Variants in AGPAT4 observed in about 807,000 individuals in gnomAD.
AGPAT4 encodes 1-acylglycerol-3-phosphate O-acyltransferase 4.
A neutral mutation model predicts 48.0 loss-of-function variants in AGPAT4; 15 were observed. That is an observed-to-expected ratio of 0.31 (90% CI 0.21 to 0.48). The LOEUF (loss-of-function observed/expected upper bound fraction) is 0.48. Among genes scored for constraint, AGPAT4 ranks in the 20% least tolerant of loss-of-function variants. The pLI, the probability that AGPAT4 is intolerant of heterozygous loss-of-function variation, is 0.99. For missense variants in AGPAT4, 314 were observed against 482.5 expected, an observed-to-expected ratio of 0.65 and a Z score of 3.27; for synonymous variants, 178 against 198.7, an observed-to-expected ratio of 0.90 and a Z score of 0.88.
In AGPAT4 at chr6:161,171,851, G is replaced by T. The variant is rs1003675013; in HGVS notation, c.179-5434C>A. On this transcript the variant is annotated intron_variant, in intron 2 of 8. Transcript: ENST00000320285. This position sits in a 1 kb window ranked among gnomAD's most constrained non-coding sequence, Gnocchi z 4.4. ...GGAGGCTGCACTTGCAGTGAGCCAA[G>T]ATCGCACCACTGCACTCCAGCCTGG... Among the ~76,000 whole-genome samples the T allele has an allele frequency of 6.6e-5, 10 of 152,118 alleles. No homozygotes were observed. Among genetic ancestry groups the T allele is most frequent in the Non-Finnish European group, 1.5e-4 (10 of 68,032 alleles).
chr6:161,146,089 C>T lies in AGPAT4; in HGVS notation c.843+435G>A, dbSNP rs1228192464. Among the ~76,000 whole-genome samples, 4 of 151,610 alleles carry T rather than the reference C, an allele frequency of 2.6e-5. No individual in the cohort carries two copies. Among genetic ancestry groups the T allele is most frequent in the African/African-American group, 9.8e-5 (4 of 40,884 alleles). On this transcript the variant is annotated intron_variant, in intron 7 of 8. Transcript: ENST00000320285. The surrounding 1 kb of genome is among the most constrained non-coding windows in gnomAD (Gnocchi z 7.1). ...AGGGGGCACCACAGCAGGTTCGAAC[C>T]CAGCCAAGACCAAGGTGGATCCTTG...
In AGPAT4 at chr6:161,132,971, C is replaced by T. The variant is rs1778950778; in HGVS notation, c.*3569G>A. 6.6e-6 allele frequency: 1 copy of T among 152,216 alleles called. No individual in the cohort carries two copies. Among genetic ancestry groups the T allele is most frequent in the Non-Finnish European group, 1.5e-5 (1 of 68,036 alleles). The allele number at this position is 152,216 out of a possible 1,614,324, so 9.4% of individuals were successfully genotyped here. A position where few individuals can be genotyped will look rare whatever the true frequency, so the allele number is the denominator to read the frequency against. ...ATATTCCTCCATACAGCCTAGGGCC[C>T]CTCAAGAGACGTGCAAACCAAAGTA... On this transcript the variant is annotated 3_prime_UTR_variant, in exon 9 of 9. Transcript: ENST00000320285.
chr6:161,168,559 T>C (rs1780174636), intron 2 of AGPAT4, among the ~76,000 whole-genome samples: 1 of 151,966 alleles, frequency 6.6e-6, no homozygotes, highest in African/African-American at 2.4e-5. Context: ...ACTGTTTGGT[T>C]CACCCCGACC....
At chr6:161,162,972 G>A (rs144506456) in intron 3 of AGPAT4, among the ~76,000 whole-genome samples, 165 of 152,338 alleles carry the variant, frequency 1.1e-3, no homozygotes, top group African/African-American at 3.6e-3. Flanking sequence ...TCATCTCCAG[G>A]GAGGCAAGGT....
intron 2 of AGPAT4, among the ~76,000 whole-genome samples, chr6:161,185,543 A>G (rs1438116633): frequency 6.6e-6 from 1 of 152,046 alleles, no homozygotes; most frequent in Admixed American, 6.5e-5. Context: ...CAATTTTTAC[A>G]TTTTCATCAA....
chr6:161,158,228 C>T lies in AGPAT4; in HGVS notation c.349-3918G>A, dbSNP rs908892420. Reference sequence around the variant, plus strand: ...GACTAGAAACTGCTATTAAGACATACTGACAGTTCCCCCGGCAAAAGGTTC... The same window carrying T: ...GACTAGAAACTGCTATTAAGACATATTGACAGTTCCCCCGGCAAAAGGTTC... On this transcript the variant is annotated intron_variant, in intron 3 of 8. Coordinates refer to ENST00000320285, the MANE Select transcript of AGPAT4 (RefSeq NM_020133.3). This position sits in a 1 kb window ranked among gnomAD's most constrained non-coding sequence, Gnocchi z 5.3. Among the ~76,000 whole-genome samples the T allele has an allele frequency of 6.6e-6, 1 of 152,220 alleles. No homozygotes were observed. Among genetic ancestry groups the T allele is most frequent in the African/African-American group, 2.4e-5 (1 of 41,458 alleles).
chr6:161,271,142 A>G (rs1783410337), intron 1 of AGPAT4, among the ~76,000 whole-genome samples: 3 of 152,170 alleles, frequency 2.0e-5, no homozygotes, highest in Non-Finnish European at 4.4e-5. Context: ...TATGCTTTCA[A>G]CCAGCACAGA....
chr6:161,207,355 A>G (rs1781403346), intron 2 of AGPAT4, among the ~76,000 whole-genome samples: 1 of 152,198 alleles, frequency 6.6e-6, no homozygotes. Context: ...ATCCGTGAGA[A>G]AACAAAACTC....
At chr6:161,168,497 G>A (rs1047092547) in intron 2 of AGPAT4, among the ~76,000 whole-genome samples, 13 of 151,984 alleles carry the variant, frequency 8.6e-5, no homozygotes, top group East Asian at 1.9e-4. Flanking sequence ...TGACCACAGC[G>A]TGAGGTTCTC....
chr6:161,151,920 G>T (rs1408854354), intron 5 of AGPAT4, among the ~76,000 whole-genome samples: 2 of 152,228 alleles, frequency 1.3e-5, no homozygotes, highest in African/African-American at 4.8e-5. Flanking sequence ...GGATAATTCT[G>T]GCCCTTGGGC....
At chr6:161,210,748 C>T (rs184314968) in intron 2 of AGPAT4, among the ~76,000 whole-genome samples, 1 of 152,296 alleles carries the variant, frequency 6.6e-6, no homozygotes, top group East Asian at 1.9e-4. Context: ...ATACTTATCC[C>T]TGCCAAATAC....
rs562513944 is a variant in AGPAT4, at chr6:161,218,448, G to C, written c.178+13588C>G. On this transcript the variant is annotated intron_variant, in intron 2 of 8. Transcript: ENST00000320285. The surrounding 1 kb of genome is among the most constrained non-coding windows in gnomAD (Gnocchi z 4.7). ...TGACTAAGTGGGGAAATCACAGCAA[G>C]AATACCTTTACTTTACGTTTGTCTA... Among the ~76,000 whole-genome samples, 3 of 152,330 alleles carry C rather than the reference G, an allele frequency of 2.0e-5. No individual in the cohort carries two copies. Among genetic ancestry groups the C allele is most frequent in the Non-Finnish European group, 2.9e-5 (2 of 68,040 alleles).
At chr6:161,186,970 A>C (rs1780786967) in intron 2 of AGPAT4, among the ~76,000 whole-genome samples, 1 of 152,166 alleles carries the variant, frequency 6.6e-6, no homozygotes, top group South Asian at 2.1e-4. Flanking sequence ...ACTCGCCTGA[A>C]TCCCCCACGA....
In AGPAT4 at chr6:161,201,588, T is replaced by C. The variant is rs1781240765; in HGVS notation, c.178+30448A>G. 6.6e-6 allele frequency among the ~76,000 whole-genome samples: 1 copy of C among 152,208 alleles called. No individual in the cohort carries two copies. Among genetic ancestry groups the C allele is most frequent in the African/African-American group, 2.4e-5 (1 of 41,466 alleles). On this transcript the variant is annotated intron_variant, in intron 2 of 8. Transcript: ENST00000320285. The surrounding 1 kb of genome is among the most constrained non-coding windows in gnomAD (Gnocchi z 6.0). The stretch of plus-strand genomic sequence containing the variant: ...AGCCTCTGTCTTCTTCAGCAGGGCT[T>C]CTCAAACTCTAATGTGCATTTGCAT...
In AGPAT4 at chr6:161,136,643, A is replaced by G; in HGVS notation, c.1043-9T>C. Reference sequence around the variant, plus strand: ...TCGAACTCCCACGGAGGCTGCAGAGACAAGGAGAGCAGAGTTAGGAGTAGC... The same window carrying G: ...TCGAACTCCCACGGAGGCTGCAGAGGCAAGGAGAGCAGAGTTAGGAGTAGC... On this transcript the variant is annotated splice_polypyrimidine_tract_variant and intron_variant, in intron 8 of 8. Coordinates refer to ENST00000320285, the MANE Select transcript of AGPAT4 (RefSeq NM_020133.3). 1 of 1,613,342 alleles carries G rather than the reference A, an allele frequency of 6.2e-7. No homozygotes were observed. The highest frequency in any genetic ancestry group is 1.1e-5 in the South Asian group (1 of 91,070).
At chr6:161,213,892 T>C (rs566213877) in intron 2 of AGPAT4, among the ~76,000 whole-genome samples, 3 of 152,202 alleles carry the variant, frequency 2.0e-5, no homozygotes, top group East Asian at 3.9e-4. Flanking sequence ...TCTTCTAAAA[T>C]GCTTTCTCCA....
intron 2 of AGPAT4, among the ~76,000 whole-genome samples, chr6:161,228,164 G>A (rs1343225795): frequency 2.0e-5 from 3 of 152,186 alleles, no homozygotes; most frequent in Non-Finnish European, 4.4e-5. Flanking sequence ...TTCAGACGGA[G>A]TATCTCATTC....
At position 161,214,066 on chromosome 6, in the gene AGPAT4, A is replaced by G. The variant is rs1003802013; in HGVS notation, c.178+17970T>C. 1.3e-5 allele frequency among the ~76,000 whole-genome samples: 2 copies of G among 152,206 alleles called. No individual in the cohort carries two copies. Among genetic ancestry groups the G allele is most frequent in the African/African-American group, 4.8e-5 (2 of 41,460 alleles). On this transcript the variant is annotated intron_variant, in intron 2 of 8. Transcript: ENST00000320285. This position sits in a 1 kb window ranked among gnomAD's most constrained non-coding sequence, Gnocchi z 5.4. ...TCCCTCTGCTCACTGAGATAAATGC[A>G]TATCTTACTGCCTCCTTTGGAGAGG...
rs1298390583 is a variant in AGPAT4 at position 161,204,511 on chromosome 6, C to T, written c.178+27525G>A. Among the ~76,000 whole-genome samples, 1 of 152,092 alleles carries T rather than the reference C, an allele frequency of 6.6e-6. No individual in the cohort carries two copies. Among genetic ancestry groups the T allele is most frequent in the Non-Finnish European group, 1.5e-5 (1 of 68,014 alleles). ...TACCCCCTCCAAAATTCTCCCTTTC[C>T]AGCTATATTTATCCTTCAGCTGAAG... On this transcript the variant is annotated intron_variant, in intron 2 of 8. Coordinates refer to ENST00000320285, the MANE Select transcript of AGPAT4 (RefSeq NM_020133.3). The surrounding 1 kb of genome is among the most constrained non-coding windows in gnomAD (Gnocchi z 4.4).
Sources: allele counts gnomAD v4.1 joint callset (sites outside exome capture counted in the v4.1 genomes callset), GRCh38; gene constraint gnomAD v4.1.1; non-coding constraint Gnocchi (gnomAD v3.1); transcripts MANE v1.5; gene names NCBI Gene and HGNC (gene_info 2026-07-23, HGNC 2026-07-21).